ANKS1B: variants seen among roughly 807,000 people sequenced by gnomAD.
The protein encoded by ANKS1B is ankyrin repeat and sterile alpha motif domain-containing protein 1B.
Under a neutral mutation model 148.3 loss-of-function variants are expected in ANKS1B, and 36 were observed. The observed-to-expected ratio is 0.24, with a 90% confidence interval of 0.19 to 0.32. The LOEUF (loss-of-function observed/expected upper bound fraction) is 0.32. Among genes scored for constraint, ANKS1B ranks in the 10% least tolerant of loss-of-function variants. ANKS1B has a pLI of 1.00. For synonymous variants in ANKS1B, 542 were observed against 560.8 expected, an observed-to-expected ratio of 0.97 and a Z score of 0.47; for missense variants, 1,157 against 1,542.6, an observed-to-expected ratio of 0.75 and a Z score of 4.19.
chr12:99,322,762 T>C (rs1040024321), intron 12 of ANKS1B, among the ~76,000 whole-genome samples: 2 of 152,190 alleles, frequency 1.3e-5, no homozygotes, highest in African/African-American at 4.8e-5. Flanking sequence ...TCATCTTGAA[T>C]TGTAGCTCCC....
intron 14 of ANKS1B, among the ~76,000 whole-genome samples, chr12:99,192,292 A>T (rs1444568300): frequency 2.0e-5 from 3 of 152,098 alleles, no homozygotes; most frequent in Non-Finnish European, 1.5e-5. Context: ...TGATTTCCCT[A>T]CTATCTTTGA....
rs896321336 is a variant in ANKS1B, at chr12:99,812,442, T to C, written c.216-131A>G. ...TCATTCAAGGTACTAAGATATAAAG[T>C]TGGGTTTCAAAGTTTTTGCCTACTC... On this transcript the variant is annotated intron_variant, in intron 2 of 26. Transcript: ENST00000683438. The C allele has an allele frequency of 7.4e-6, 8 of 1,080,842 alleles. No individual in the cohort carries two copies. In the East Asian group the frequency reaches 1.7e-4, roughly 22 times the overall value. The allele number at this position is 1,080,842 out of a possible 1,614,324, so 67.0% of individuals were successfully genotyped here.
intron 8 of ANKS1B, among the ~76,000 whole-genome samples, chr12:99,694,368 G>A (rs972592671): frequency 2.6e-5 from 4 of 151,528 alleles, no homozygotes; most frequent in Non-Finnish European, 5.9e-5. Context: ...GAACCCGGGA[G>A]GTGGAGGTTG....
At chr12:99,008,507 C>A (rs2099937453) in intron 17 of ANKS1B, among the ~76,000 whole-genome samples, 2 of 152,186 alleles carry the variant, frequency 1.3e-5, no homozygotes, top group African/African-American at 2.4e-5. Flanking sequence ...CAATCATAGA[C>A]TGTACTTTTT....
chr12:99,827,614 C>T (rs2083371156), intron 1 of ANKS1B, among the ~76,000 whole-genome samples: 1 of 152,116 alleles, frequency 6.6e-6, no homozygotes, highest in South Asian at 2.1e-4. Flanking sequence ...CTTTTTTTTA[C>T]TATCTATATG....
intron 1 of ANKS1B, among the ~76,000 whole-genome samples, chr12:99,958,067 A>G (rs1271904574): frequency 1.3e-5 from 2 of 152,188 alleles, no homozygotes; most frequent in African/African-American, 4.8e-5. Context: ...AGCACCATAG[A>G]GAGAGATCAG....
chr12:99,807,955 C>T (rs2067851604), intron 3 of ANKS1B, among the ~76,000 whole-genome samples: 2 of 152,102 alleles, frequency 1.3e-5, no homozygotes, highest in Non-Finnish European at 1.5e-5. Context: ...TTGTCTACTT[C>T]ATGGACAAGT....
At chr12:99,597,035 T>C (rs1325258891) in intron 9 of ANKS1B, among the ~76,000 whole-genome samples, 1 of 151,906 alleles carries the variant, frequency 6.6e-6, no homozygotes, top group Non-Finnish European at 1.5e-5. Context: ...ACTATGCAAT[T>C]TTATATTTCT....
intron 10 of ANKS1B, among the ~76,000 whole-genome samples, chr12:99,491,241 C>T (rs2096552364): frequency 6.6e-6 from 1 of 151,706 alleles, no homozygotes; most frequent in African/African-American, 2.4e-5. Context: ...GGAGGCGGAG[C>T]TTGCAGTGAG....
At chr12:99,682,296 A>G (rs2098624866) in intron 8 of ANKS1B, among the ~76,000 whole-genome samples, 1 of 152,188 alleles carries the variant, frequency 6.6e-6, no homozygotes, top group African/African-American at 2.4e-5. Context: ...CTATCCAACA[A>G]CTGCAGAATA....
At chr12:99,923,932 A>G (rs992177887) in intron 1 of ANKS1B, among the ~76,000 whole-genome samples, 5 of 152,104 alleles carry the variant, frequency 3.3e-5, no homozygotes, top group African/African-American at 1.2e-4. Context: ...ATCTGTTTCT[A>G]TTTAAAATTT....
chr12:99,360,272 T>C (rs1010725217), intron 12 of ANKS1B, among the ~76,000 whole-genome samples: 1 of 152,134 alleles, frequency 6.6e-6, no homozygotes, highest in African/African-American at 2.4e-5. Flanking sequence ...TTTTATTATT[T>C]GTGAAATGAA....
intron 17 of ANKS1B, among the ~76,000 whole-genome samples, chr12:99,037,416 T>C (rs2099956229): frequency 6.6e-6 from 1 of 151,638 alleles, no homozygotes; most frequent in Non-Finnish European, 1.5e-5. Context: ...CTCGGGAGGC[T>C]GAGGCTTGAA....
At chr12:99,047,889 G>C (rs983735751) in intron 17 of ANKS1B, among the ~76,000 whole-genome samples, 1 of 152,218 alleles carries the variant, frequency 6.6e-6, no homozygotes, top group Non-Finnish European at 1.5e-5. Context: ...GGAATGAAGA[G>C]CTTGGTTGGC....
chr12:99,222,738 G>A (rs533173453), intron 14 of ANKS1B, among the ~76,000 whole-genome samples: 7 of 152,112 alleles, frequency 4.6e-5, no homozygotes, highest in Non-Finnish European at 8.8e-5. Context: ...AATTGTTGTT[G>A]ATCTCATGCT....
intron 10 of ANKS1B, among the ~76,000 whole-genome samples, chr12:99,444,448 T>A (rs548982438): frequency 1.3e-5 from 2 of 152,078 alleles, no homozygotes; most frequent in East Asian, 1.9e-4. Context: ...TCTAAATTAA[T>A]CTTCTCTTAT....
chr12:99,727,815 G>A (rs1031364764), intron 8 of ANKS1B, among the ~76,000 whole-genome samples: 3 of 152,050 alleles, frequency 2.0e-5, no homozygotes, highest in African/African-American at 7.2e-5. Context: ...GAACAGAACG[G>A]AGAACTCAGA....
At chr12:98,789,758 T>C (rs1031958830) in intron 22 of ANKS1B, among the ~76,000 whole-genome samples, 1 of 152,212 alleles carries the variant, frequency 6.6e-6, no homozygotes, top group African/African-American at 2.4e-5. Flanking sequence ...TAAATAAATT[T>C]GGTTCAACTA....
At chr12:99,173,149 T>G (rs562177162) in intron 14 of ANKS1B, among the ~76,000 whole-genome samples, 3 of 152,306 alleles carry the variant, frequency 2.0e-5, no homozygotes, top group Admixed American at 1.3e-4. Flanking sequence ...AGGCACTGAA[T>G]TTATTTTTTT....
Sources: allele counts gnomAD v4.1 joint callset (sites outside exome capture counted in the v4.1 genomes callset), GRCh38; gene constraint gnomAD v4.1.1; transcripts MANE v1.5; gene names NCBI Gene and HGNC (gene_info 2026-07-23, HGNC 2026-07-21).